The following KPNA4 variants were observed in gnomAD, a reference collection of about 807,000 sequenced individuals.
KPNA4 encodes importin subunit alpha-3.
Under a neutral mutation model 71.3 loss-of-function variants are expected in KPNA4, and 13 were observed. That is an observed-to-expected ratio of 0.18 (90% CI 0.12 to 0.29). KPNA4 has a LOEUF of 0.29. Among genes scored for constraint, KPNA4 ranks in the 10% least tolerant of loss-of-function variants. The pLI, the probability that KPNA4 is intolerant of heterozygous loss-of-function variation, is 1.00. For missense variants in KPNA4, 334 were observed against 603.2 expected (o/e 0.55, Z 4.67); for synonymous variants, 189 against 195.2 (o/e 0.97, Z 0.26).
chr3:160,517,575 C>T (rs1403721789), intron 11 of KPNA4, among the ~76,000 whole-genome samples: 2 of 152,040 alleles, frequency 1.3e-5, no homozygotes, highest in Non-Finnish European at 2.9e-5. Context: ...ATTTTATATT[C>T]TCACCAGCAG....
At chr3:160,535,760 T>C in intron 3 of KPNA4, 48 bp downstream of exon 3, 1 of 1,564,402 alleles carries the variant, frequency 6.4e-7, no homozygotes, top group Non-Finnish European at 8.6e-7. Flanking sequence ...ATGTGAAATC[T>C]TTCACTCGTA....
At chr3:160,532,693 T>G (rs1338231412) in intron 5 of KPNA4, among the ~76,000 whole-genome samples, 1 of 152,206 alleles carries the variant, frequency 6.6e-6, no homozygotes, top group Non-Finnish European at 1.5e-5. Flanking sequence ...TATGAAAGCT[T>G]AACCAAATCA....
rs140546459 is a variant in KPNA4, at chr3:160,508,243, A to C, written c.1236T>G (p.Val412=). The change falls in exon 15 of 17, where the codon GTT becomes GTG. Residue 412 remains valine (V), a synonymous_variant. Transcript: ENST00000334256. ...DQVAYLIQQN[V]IPPFCNLLTV... ...TCAGCAAGTTGCAAAAAGGTGGGAT[A>C]ACATTTTGTTGGATAAGGTAAGCCA... is the stretch of plus-strand genomic sequence containing the variant. The C allele has an allele frequency of 1.8e-4, 288 of 1,610,520 alleles. No homozygotes were observed. Among genetic ancestry groups the C allele is most frequent in the Non-Finnish European group, 2.3e-4 (271 of 1,178,630 alleles).
chr3:160,536,386 T>G (rs1006059069), intron 2 of KPNA4, among the ~76,000 whole-genome samples: 3 of 152,098 alleles, frequency 2.0e-5, no homozygotes, highest in African/African-American at 7.2e-5. Context: ...TGGAGCAAAT[T>G]TATAAATATA....
At position 160,519,355 on chromosome 3, in the gene KPNA4, A is replaced by G. The variant is rs1305621670; in HGVS notation, c.903+2424T>C. Among the ~76,000 whole-genome samples the G allele has an allele frequency of 2.6e-5, 4 of 152,234 alleles. No individual in the cohort carries two copies. In the South Asian group the frequency reaches 6.2e-4, roughly 24 times the overall value. ...AGTAAGAGGCTTAAAATATATAGCA[A>G]GCAGATGCAATGTGTGGTCTTTATC... is the stretch of plus-strand genomic sequence containing the variant. On this transcript the variant is annotated intron_variant, in intron 11 of 16. Transcript: ENST00000334256.
rs531722725 is a variant in KPNA4 at position 160,496,409 on chromosome 3, G to C, written c.*5695C>G. On this transcript the variant is annotated 3_prime_UTR_variant, in exon 17 of 17. Coordinates refer to ENST00000334256, the MANE Select transcript of KPNA4 (RefSeq NM_002268.5). ...GTAACTGGATTGAGAACCACAAAAA[G>C]CATGTAGATTTAAGCAGATTACGAG... 6.6e-6 allele frequency: 1 copy of C among 152,320 alleles called. No individual in the cohort carries two copies. The highest frequency in any genetic ancestry group is 2.4e-5 in the African/African-American group (1 of 41,562). The allele number at this position is 152,320 out of a possible 1,614,324, so 9.4% of individuals were successfully genotyped here.
At chr3:160,553,614 A>G (rs1317786672) in intron 1 of KPNA4, among the ~76,000 whole-genome samples, 2 of 152,206 alleles carry the variant, frequency 1.3e-5, no homozygotes, top group Non-Finnish European at 2.9e-5. Flanking sequence ...GAATAAGGAT[A>G]TGTTCCTTGC....
chr3:160,532,255 G>A (rs780070448), intron 5 of KPNA4, among the ~76,000 whole-genome samples: 11 of 152,180 alleles, frequency 7.2e-5, no homozygotes, highest in Non-Finnish European at 1.6e-4. Flanking sequence ...CTTTTACCTT[G>A]CTAAGAAAGG....
In KPNA4 at chr3:160,525,944, A is replaced by C; in HGVS notation, c.720T>G (p.Ile240Met). Residue 240 changes from isoleucine to methionine, a missense_variant, in exon 9 of 17, where the codon ATT becomes ATG. Coordinates refer to ENST00000334256, the MANE Select transcript of KPNA4 (RefSeq NM_002268.5). ...TTTTTTTAAAAGTGTTTACCTCCTG[A>C]ATGGTTTCCATTGGTGGTGGTGGGT... ...HKDPPPPMET[I>M]QEILPALCVL... is the part of the protein sequence containing the mutation. The C allele has an allele frequency of 6.4e-7, 1 of 1,572,154 alleles. No individual in the cohort carries two copies. The highest frequency in any genetic ancestry group is 8.6e-7 in the Non-Finnish European group (1 of 1,162,904).
intron 1 of KPNA4, among the ~76,000 whole-genome samples, chr3:160,551,674 C>A (rs1158512580): frequency 1.3e-5 from 2 of 152,166 alleles, no homozygotes; most frequent in African/African-American, 4.8e-5. Context: ...CACTTTTATA[C>A]CTTTACTAGC....
chr3:160,519,513 G>A lies in KPNA4; in HGVS notation c.903+2266C>T, dbSNP rs1250073529. On this transcript the variant is annotated intron_variant, in intron 11 of 16. Transcript: ENST00000334256. ...TGTGGTTATGTTAAAAAAAATAGGCGGCCGGGCGCGGTGGCTCACGCCTGT... is the reference window on the plus strand; with the variant it reads ...TGTGGTTATGTTAAAAAAAATAGGCAGCCGGGCGCGGTGGCTCACGCCTGT... Among the ~76,000 whole-genome samples the A allele has an allele frequency of 2.6e-5, 4 of 152,036 alleles. No individual in the cohort carries two copies. The South Asian group carries it at 6.3e-4, about 24-fold the overall frequency.
At chr3:160,547,539 G>T (rs1721947794) in intron 1 of KPNA4, among the ~76,000 whole-genome samples, 1 of 151,686 alleles carries the variant, frequency 6.6e-6, no homozygotes, top group Non-Finnish European at 1.5e-5. Context: ...TACCAGAATG[G>T]TACATTTGTT....
Position 160,536,903 on chromosome 3 carries a change from C to A in KPNA4, c.70-63G>T. 12 of 953,674 alleles carry A rather than the reference C, an allele frequency of 1.3e-5. No individual in the cohort carries two copies. The South Asian group carries it at 1.6e-4, about 13-fold the overall frequency. The allele number at this position is 953,674 out of a possible 1,614,324, so 59.1% of individuals were successfully genotyped here. On this transcript the variant is annotated intron_variant, in intron 1 of 16. Transcript: ENST00000334256. ...CTCAAATTCCATTATCCAGAGAAAA[C>A]CACTATTAACATTTCAATATACACC...
chr3:160,496,788 TAAA>T lies in KPNA4; in HGVS notation c.*5313_*5315del, dbSNP rs1720772812. ...CAGTCCTCTGGTGGGAGGTAGATCA[TAAA>T]GAATCTGTAGAACCATTTACTTTTC... is the stretch of plus-strand genomic sequence containing the variant. On this transcript the variant is annotated 3_prime_UTR_variant, in exon 17 of 17. Transcript: ENST00000334256. 1 of 152,154 alleles carries T rather than the reference TAAA, an allele frequency of 6.6e-6. No homozygotes were observed. The highest frequency in any genetic ancestry group is 1.9e-4 in the East Asian group (1 of 5,180). The allele number at this position is 152,154 out of a possible 1,614,324, so 9.4% of individuals were successfully genotyped here. A position where few individuals can be genotyped will look rare whatever the true frequency, so the allele number is the denominator to read the frequency against.
At chr3:160,562,731 G>A (rs920281995) in intron 1 of KPNA4, among the ~76,000 whole-genome samples, 3 of 152,164 alleles carry the variant, frequency 2.0e-5, no homozygotes, top group African/African-American at 7.2e-5. Context: ...TACCCCTAAT[G>A]TATGCACAAG....
intron 1 of KPNA4, chr3:160,564,239 T>A (rs1006028105): frequency 6.6e-6 from 1 of 152,156 alleles, no homozygotes; most frequent in African/African-American, 2.4e-5. Context: ...ATACACCTTA[T>A]GTAGACAATC....
intron 1 of KPNA4, among the ~76,000 whole-genome samples, chr3:160,547,703 T>C (rs996302713): frequency 2.0e-5 from 3 of 152,224 alleles, no homozygotes; most frequent in African/African-American, 7.2e-5. Flanking sequence ...TAAAATCCTC[T>C]GTGCTCTCCT....
At chr3:160,549,876 T>G (rs1269181184) in intron 1 of KPNA4, among the ~76,000 whole-genome samples, 1 of 152,260 alleles carries the variant, frequency 6.6e-6, no homozygotes, top group Non-Finnish European at 1.5e-5. Context: ...ATATTAAGTT[T>G]TCCATGAACA....
chr3:160,532,628 C>T (rs906526735), intron 5 of KPNA4, among the ~76,000 whole-genome samples: 1 of 152,116 alleles, frequency 6.6e-6, no homozygotes, highest in Non-Finnish European at 1.5e-5. Flanking sequence ...TCAGTGTGGC[C>T]TAATCATATC....
Sources: allele counts gnomAD v4.1 joint callset (sites outside exome capture counted in the v4.1 genomes callset), GRCh38; gene constraint gnomAD v4.1.1; transcripts MANE v1.5; gene names NCBI Gene and HGNC (gene_info 2026-07-23, HGNC 2026-07-21).